Variants in RYR3 observed in about 807,000 individuals in gnomAD.
The protein encoded by RYR3 is brain ryanodine receptor-calcium release channel.
Under a neutral mutation model 584.3 loss-of-function variants are expected in RYR3, and 207 were observed. The ratio of observed to expected loss-of-function variants is 0.35; its 90% CI spans 0.32 to 0.40. The LOEUF (loss-of-function observed/expected upper bound fraction) is 0.40, where lower values mean the gene tolerates loss of function less well. Among genes scored for constraint, RYR3 ranks in the 10% least tolerant of loss-of-function variants. The pLI, the probability that RYR3 is intolerant of heterozygous loss-of-function variation, is 1.00. For synonymous variants in RYR3, 2,416 were observed against 2,248.5 expected, an observed-to-expected ratio of 1.07 and a Z score of -2.11; for missense variants, 5,616 against 6,089.2, an observed-to-expected ratio of 0.92 and a Z score of 2.59.
chr15:33,459,962 A>T (rs7168767), intron 1 of RYR3, among the ~76,000 whole-genome samples: 3,619 of 152,330 alleles, frequency 0.024, 134 homozygotes, highest in African/African-American at 0.08. Context: ...GGAATCAAGC[A>T]GTCATGCTTA....
chr15:33,703,077 C>T (rs2066425746), intron 42 of RYR3, among the ~76,000 whole-genome samples: 1 of 152,038 alleles, frequency 6.6e-6, no homozygotes. Context: ...CTGTTTCAGG[C>T]CTTGGCAGAG....
In RYR3 at chr15:33,613,285, G is replaced by T; in HGVS notation, c.2267G>T (p.Arg756Leu). The T allele has an allele frequency of 6.2e-7, 1 of 1,613,936 alleles. No individual in the cohort carries two copies. Among genetic ancestry groups the T allele is most frequent in the Non-Finnish European group, 8.5e-7 (1 of 1,179,866 alleles). Residue 756 changes from arginine (R) to leucine (L), a missense_variant, in exon 19 of 104, where the codon CGC becomes CTC. By Grantham distance (102) the Arg-to-Leu change is moderately radical. This residue lies in a region of RYR3 where 1,284 missense variants were observed against 1,344.6 expected (regional missense o/e 0.95). Coordinates refer to ENST00000634891, the MANE Select transcript of RYR3 (RefSeq NM_001036.6). ...CTCGGGGTGCCCAGCATCTCATTCC[G>T]CATCAATGGGCAGCCCGTGCAGGGG... is the stretch of plus-strand genomic sequence containing the variant. Reference protein sequence around the residue: ...LDLGVPSISFRINGQPVQGMF... With the variant: ...LDLGVPSISFLINGQPVQGMF...
At chr15:33,447,209 CT>C (rs1431649171) in intron 1 of RYR3, among the ~76,000 whole-genome samples, 1 of 152,158 alleles carries the variant, frequency 6.6e-6, no homozygotes, top group African/African-American at 2.4e-5. Context: ...TAAAGGTAAC[CT>C]TTTGTTCATT....
chr15:33,863,405 T>C (rs1037911675), intron 102 of RYR3, among the ~76,000 whole-genome samples: 1 of 152,152 alleles, frequency 6.6e-6, no homozygotes, highest in African/African-American at 2.4e-5. Flanking sequence ...GAACTCAAGA[T>C]CTGGGGCTTA....
At chr15:33,793,573 C>T (rs1287608417) in intron 67 of RYR3, among the ~76,000 whole-genome samples, 2 of 152,144 alleles carry the variant, frequency 1.3e-5, no homozygotes, top group Non-Finnish European at 2.9e-5. Context: ...GGAAATTCCA[C>T]AAGTTCTAGT....
intron 46 of RYR3, among the ~76,000 whole-genome samples, chr15:33,727,745 C>A (rs541005789): frequency 6.6e-6 from 1 of 152,276 alleles, no homozygotes; most frequent in East Asian, 1.9e-4. Context: ...CTCAGGGTTC[C>A]TTATGAAGTC....
At chr15:33,434,698 T>C (rs1008619760) in intron 1 of RYR3, among the ~76,000 whole-genome samples, 2 of 152,210 alleles carry the variant, frequency 1.3e-5, no homozygotes, top group African/African-American at 4.8e-5. Flanking sequence ...CCTCCCCAGT[T>C]GTATTTCTCT....
intron 16 of RYR3, among the ~76,000 whole-genome samples, chr15:33,599,529 A>G (rs528828468): frequency 6.6e-6 from 1 of 152,334 alleles, no homozygotes; most frequent in East Asian, 1.9e-4. Flanking sequence ...TCCAGGTTAC[A>G]GATAGGTGAT....
At chr15:33,702,752 C>T (rs1354984855) in intron 42 of RYR3, among the ~76,000 whole-genome samples, 2 of 151,872 alleles carry the variant, frequency 1.3e-5, no homozygotes, top group Non-Finnish European at 2.9e-5. Flanking sequence ...CATAGCCAGG[C>T]CAGAGCCCTG....
chr15:33,685,457 A>T (rs542735974), intron 38 of RYR3, among the ~76,000 whole-genome samples: 2 of 152,314 alleles, frequency 1.3e-5, no homozygotes, highest in African/African-American at 2.4e-5. Context: ...AAGTCCTTAG[A>T]GACCTACAAA....
chr15:33,863,824 TTTTA>T (rs1455223824), intron 102 of RYR3, among the ~76,000 whole-genome samples: 1 of 152,196 alleles, frequency 6.6e-6, no homozygotes, highest in Admixed American at 6.5e-5. Context: ...TGGGCTACCA[TTTTA>T]TTGTTTTATT....
chr15:33,861,551 C>T lies in RYR3; in HGVS notation c.14465+373C>T, dbSNP rs796571471. Among the ~76,000 whole-genome samples the T allele has an allele frequency of 7.3e-5, 11 of 151,642 alleles. 1 individual carries two copies. The highest frequency in any genetic ancestry group is 2.7e-4 in the African/African-American group (11 of 41,368). On this transcript the variant is annotated intron_variant, in intron 102 of 103. Transcript: ENST00000634891. ...TTTACTTCCAACTATTGCCCTACTT[C>T]TTTTTCCCTTTCAGCACAATTGAAA...
At chr15:33,336,866 T>C (rs1420399069) in intron 1 of RYR3, among the ~76,000 whole-genome samples, 4 of 150,410 alleles carry the variant, frequency 2.7e-5, no homozygotes, top group Admixed American at 6.6e-5. Flanking sequence ...CCGTCCTGGC[T>C]AACACGGTGA....
chr15:33,470,968 T>C (rs1262593265), intron 1 of RYR3, among the ~76,000 whole-genome samples: 1 of 152,128 alleles, frequency 6.6e-6, no homozygotes, highest in Non-Finnish European at 1.5e-5. Flanking sequence ...AGAGAAAGGC[T>C]TGTGTTCTAA....
intron 42 of RYR3, among the ~76,000 whole-genome samples, chr15:33,705,613 A>G (rs1488632785): frequency 6.6e-6 from 1 of 152,210 alleles, no homozygotes; most frequent in Non-Finnish European, 1.5e-5. Flanking sequence ...AGAATCTAAA[A>G]TCTTCTGTAA....
At chr15:33,815,427 A>T (rs1300316773) in intron 74 of RYR3, 1 of 153,852 alleles carries the variant, frequency 6.5e-6, no homozygotes, top group Non-Finnish European at 1.4e-5. Context: ...TGTCTCTGGG[A>T]CCAGGACAGC....
intron 6 of RYR3, among the ~76,000 whole-genome samples, chr15:33,540,029 G>A (rs1057471072): frequency 6.6e-6 from 1 of 152,030 alleles, no homozygotes; most frequent in Non-Finnish European, 1.5e-5. Context: ...TGCACTCGAG[G>A]GATGATTAAA....
At chr15:33,584,820 TC>T (rs2058765226) in intron 15 of RYR3, among the ~76,000 whole-genome samples, 1 of 130,298 alleles carries the variant, frequency 7.7e-6, no homozygotes, top group African/African-American at 2.8e-5. Flanking sequence ...TCCTTCTAAC[TC>T]CCATTATATT....
chr15:33,477,313 G>A (rs138966550), intron 2 of RYR3, among the ~76,000 whole-genome samples: 130 of 152,162 alleles, frequency 8.5e-4, no homozygotes, highest in Non-Finnish European at 1.6e-3. Flanking sequence ...TGTGTGACCC[G>A]GAGAAAAGGA....
Sources: allele counts gnomAD v4.1 joint callset (sites outside exome capture counted in the v4.1 genomes callset), GRCh38; gene constraint gnomAD v4.1.1; regional missense constraint gnomAD v4.1.1; transcripts MANE v1.5; gene names NCBI Gene and HGNC (gene_info 2026-07-23, HGNC 2026-07-21).